DRC7: variants seen among roughly 807,000 people sequenced by gnomAD.
The protein encoded by DRC7 is coiled-coil domain containing 135.
Under a neutral mutation model 104.4 loss-of-function variants are expected in DRC7, and 80 were observed. The ratio of observed to expected loss-of-function variants is 0.77; its 90% CI spans 0.64 to 0.92. The LOEUF (loss-of-function observed/expected upper bound fraction) is 0.92, where lower values mean the gene tolerates loss of function less well. Ranked by LOEUF, DRC7 falls within the 40% of genes least tolerant of loss-of-function variation. DRC7 has a pLI of 0.00. For missense variants in DRC7, 1,034 were observed against 1,141.1 expected (o/e 0.91, Z 1.35); for synonymous variants, 405 against 447.3 (o/e 0.91, Z 1.19).
intron 9 of DRC7, among the ~76,000 whole-genome samples, chr16:57,720,098 C>T (rs1421541736): frequency 6.6e-6 from 1 of 152,190 alleles, no homozygotes; most frequent in African/African-American, 2.4e-5. Context: ...CCTGAAGTAA[C>T]TCATTTAAAT....
chr16:57,719,932 A>T (rs1490631753), intron 9 of DRC7, among the ~76,000 whole-genome samples: 1 of 152,220 alleles, frequency 6.6e-6, no homozygotes, highest in East Asian at 1.9e-4. Context: ...CAACAACAAC[A>T]AAGAAAAAAT....
At chr16:57,707,703 G>T in intron 8 of DRC7, 25 bp downstream of exon 8, 1 of 1,598,946 alleles carries the variant, frequency 6.3e-7, no homozygotes, top group Non-Finnish European at 8.5e-7. Flanking sequence ...GGAGCTGGGT[G>T]GGTGTGGCAG....
At chr16:57,717,727 G>A (rs981472438) in intron 8 of DRC7, among the ~76,000 whole-genome samples, 6 of 151,918 alleles carry the variant, frequency 3.9e-5, no homozygotes, top group Admixed American at 3.3e-4. Context: ...AAATTGTGGA[G>A]ATGGGATCTC....
At position 57,726,067 on chromosome 16, in the gene DRC7, G is replaced by C. The variant is rs775196857; in HGVS notation, c.1759-1G>C. ...ATCCTTTGCATGTTCTGGCCTCCCA[G>C]AAAATCACAGAGCGGTTCTTCCGCA... On this transcript the variant is annotated splice_acceptor_variant, in intron 13 of 18. Transcript: ENST00000360716. LOFTEE classifies it high-confidence loss of function. 2 of 1,612,548 alleles carry C rather than the reference G, an allele frequency of 1.2e-6. No individual in the cohort carries two copies. The highest frequency in any genetic ancestry group is 8.5e-7 in the Non-Finnish European group (1 of 1,179,520).
chr16:57,700,022 G>A, intron 4 of DRC7, 123 bp from the exon 5 acceptor site: 1 of 1,160,434 alleles, frequency 8.6e-7, no homozygotes, highest in South Asian at 1.6e-5. Flanking sequence ...AGGTCATGTG[G>A]GCCTGGCCTC....
intron 14 of DRC7, 32 bp downstream of exon 14, chr16:57,726,315 G>A: frequency 1.3e-6 from 2 of 1,573,906 alleles, no homozygotes; most frequent in Non-Finnish European, 8.7e-7. Flanking sequence ...GGCAGGGGTC[G>A]GCTGCAGGAG....
At position 57,728,514 on chromosome 16, in the gene DRC7, A is replaced by G. The variant is rs200479497; in HGVS notation, c.2321A>G (p.Asp774Gly). 1.9e-6 allele frequency: 3 copies of G among 1,612,176 alleles called. No homozygotes were observed. The East Asian group carries it at 6.7e-5, about 36-fold the overall frequency. The change falls in exon 17 of 19, where the codon GAT becomes GGT. Residue 774 changes from aspartate (D) to glycine (G), a missense_variant. Transcript: ENST00000360716. ...LTCWQAVRLK[D>G]ECLSDFKQRL... is the part of the protein sequence containing the mutation. ...TGCTGGCAGGCGGTGCGCCTCAAGG[A>G]TGAGTGCCTCAGCGACTTCAAGCAG...
intron 11 of DRC7, 32 bp from the exon 12 acceptor site, chr16:57,722,970 C>T (rs1469019617): frequency 1.2e-6 from 2 of 1,613,392 alleles, no homozygotes; most frequent in African/African-American, 1.3e-5. Flanking sequence ...GGGAGCTGGC[C>T]TGGCTGCGGC....
At chr16:57,718,498 C>T (rs1011209632) in intron 9 of DRC7, 23 bp downstream of exon 9, 11 of 1,612,428 alleles carry the variant, frequency 6.8e-6, no homozygotes, top group Non-Finnish European at 8.5e-6. Flanking sequence ...AGCTCGAGAG[C>T]CCAGGGAATG....
intron 14 of DRC7, 93 bp from the exon 15 acceptor site, chr16:57,726,739 G>C (rs1437877240): frequency 1.4e-6 from 1 of 720,798 alleles, no homozygotes; most frequent in African/African-American, 1.8e-5. Context: ...AGGTCACACA[G>C]CTGGAAAGTG....
Position 57,728,488 on chromosome 16 carries a change from A to G in DRC7, c.2295A>G (p.Thr765=). 1 of 1,612,402 alleles carries G rather than the reference A, an allele frequency of 6.2e-7. No homozygotes were observed. Among genetic ancestry groups the G allele is most frequent in the Non-Finnish European group, 8.5e-7 (1 of 1,179,806 alleles). ...LAQLPPGEKL[T]CWQAVRLKDE... is the part of the protein sequence containing the mutation. ...AGCTCCCGCCAGGAGAGAAACTAAC[A>G]TGCTGGCAGGCGGTGCGCCTCAAGG... The change falls in exon 17 of 19, where the codon ACA becomes ACG. Residue 765 remains threonine, a synonymous_variant. Coordinates refer to ENST00000360716, the MANE Select transcript of DRC7 (RefSeq NM_001289162.2).
intron 12 of DRC7, among the ~76,000 whole-genome samples, chr16:57,724,134 AC>A (rs1433252852): frequency 2.6e-5 from 4 of 151,908 alleles, no homozygotes; most frequent in Non-Finnish European, 5.9e-5. Context: ...ACATGGTGAA[AC>A]CCCGTTTCTA....
intron 1 of DRC7, among the ~76,000 whole-genome samples, chr16:57,695,314 A>G (rs2048582447): frequency 6.6e-6 from 1 of 151,326 alleles, no homozygotes; most frequent in Non-Finnish European, 1.5e-5. Context: ...TCACAACCAG[A>G]AATACAGGGG....
intron 6 of DRC7, among the ~76,000 whole-genome samples, chr16:57,703,200 CAAAAAAAAA>C (rs71152293): frequency 1.6e-5 from 1 of 62,926 alleles, no homozygotes; most frequent in Non-Finnish European, 3.2e-5. Flanking sequence ...TTTTTAATAG[CAAAAAAAAA>C]AAAAAAAAAA....
At position 57,699,024 on chromosome 16, in the gene DRC7, C is replaced by T. The variant is rs765826607; in HGVS notation, c.378C>T (p.Pro126=). The T allele has an allele frequency of 1.3e-5, 21 of 1,613,430 alleles. No individual in the cohort carries two copies. Among genetic ancestry groups the T allele is most frequent in the African/African-American group, 1.2e-4 (9 of 74,914 alleles). The change falls in exon 4 of 19, where the codon CCC becomes CCT. Residue 126 remains proline (P), a splice_region_variant and synonymous_variant. Transcript: ENST00000360716. The stretch of plus-strand genomic sequence containing the variant: ...ACCCCCTGAACGAGTGTGAAGTGCC[C>T]GTAAGGCTGGCATGTTGAGGGCAGG... ...FLHPLNECEV[P]KFVSTTLRPT...
In DRC7 at chr16:57,698,841, G is replaced by A. The variant is rs773239534; in HGVS notation, c.204-9G>A. Reference sequence around the variant, plus strand: ...TGGCTTCCCTAATGCCATCCCTGTTGTGGCACAGGGCCTTTACCAAGGACA... The same window carrying A: ...TGGCTTCCCTAATGCCATCCCTGTTATGGCACAGGGCCTTTACCAAGGACA... On this transcript the variant is annotated splice_polypyrimidine_tract_variant and intron_variant, in intron 3 of 18. Coordinates refer to ENST00000360716, the MANE Select transcript of DRC7 (RefSeq NM_001289162.2). 5 of 1,612,760 alleles carry A rather than the reference G, an allele frequency of 3.1e-6. No homozygotes were observed. The Admixed American group carries it at 8.3e-5, about 27-fold the overall frequency.
chr16:57,724,233 C>T (rs1023043884), intron 12 of DRC7, among the ~76,000 whole-genome samples: 9 of 150,220 alleles, frequency 6.0e-5, no homozygotes, highest in African/African-American at 2.2e-4. Flanking sequence ...TCACTTGAAC[C>T]CAGGTGGCGG....
intron 5 of DRC7, 52 bp downstream of exon 5, chr16:57,700,322 G>C: frequency 6.4e-7 from 1 of 1,569,104 alleles, no homozygotes; most frequent in East Asian, 2.3e-5. Flanking sequence ...CTAAGATGGT[G>C]TGAGAAACAA....
chr16:57,720,561 C>T (rs920253474), intron 9 of DRC7, among the ~76,000 whole-genome samples: 5 of 152,196 alleles, frequency 3.3e-5, no homozygotes, highest in Non-Finnish European at 7.3e-5. Context: ...CCTGGTCCAC[C>T]CTGGCCCAAG....
Sources: allele counts gnomAD v4.1 joint callset (sites outside exome capture counted in the v4.1 genomes callset), GRCh38; gene constraint gnomAD v4.1.1; transcripts MANE v1.5; gene names NCBI Gene and HGNC (gene_info 2026-07-23, HGNC 2026-07-21).